The following ROBO2 variants were observed in gnomAD, a reference collection of about 807,000 sequenced individuals.
ROBO2 encodes roundabout guidance receptor 2.
Under a neutral mutation model 160.8 loss-of-function variants are expected in ROBO2, and 53 were observed. The observed-to-expected ratio is 0.33, with a 90% CI of 0.26 to 0.41. The LOEUF (loss-of-function observed/expected upper bound fraction) is 0.41. Ranked by LOEUF, ROBO2 falls within the 10% of genes least tolerant of loss-of-function variation. The pLI is 1.00. For synonymous variants in ROBO2, 664 were observed against 611.7 expected (o/e 1.09, Z -1.26); for missense variants, 1,577 against 1,722.4 (o/e 0.92, Z 1.49).
rs553679977 is a variant in ROBO2, at chr3:76,442,682, A to T, written c.109+505080A>T. ...ATGCTCTTCTGAGTAGCATGATGAG[A>T]TCTCTCATCTTCCCACTCCATTCTG... On this transcript the variant is annotated intron_variant, in intron 2 of 26. Transcript: ENST00000487694. 2.0e-5 allele frequency among the ~76,000 whole-genome samples: 3 copies of T among 152,212 alleles called. No individual in the cohort carries two copies. The South Asian group carries it at 6.2e-4, about 32-fold the overall frequency.
chr3:76,027,914 A>G (rs1265829823), intron 2 of ROBO2, among the ~76,000 whole-genome samples: 2 of 151,982 alleles, frequency 1.3e-5, no homozygotes, highest in Non-Finnish European at 2.9e-5. Context: ...TGAGGGTAGG[A>G]TACTTTTTCT....
intron 2 of ROBO2, among the ~76,000 whole-genome samples, chr3:76,571,389 C>A (rs1452451451): frequency 6.6e-6 from 1 of 151,816 alleles, no homozygotes; most frequent in Non-Finnish European, 1.5e-5. Context: ...AAATCACAAA[C>A]AATAAAATAT....
chr3:76,394,456 C>G (rs973784926), intron 2 of ROBO2, among the ~76,000 whole-genome samples: 1 of 152,156 alleles, frequency 6.6e-6, no homozygotes, highest in Non-Finnish European at 1.5e-5. Context: ...GGCCCCCACT[C>G]TCTTCTGGCT....
chr3:77,388,808 TA>T (rs1422203529), intron 2 of ROBO2, among the ~76,000 whole-genome samples: 1 of 152,210 alleles, frequency 6.6e-6, no homozygotes, highest in Non-Finnish European at 1.5e-5. Context: ...ATAAAATCTA[TA>T]AAAAATTTGT....
intron 2 of ROBO2, among the ~76,000 whole-genome samples, chr3:76,903,946 A>G (rs2075413014): frequency 6.6e-6 from 1 of 152,078 alleles, no homozygotes; most frequent in South Asian, 2.1e-4. Flanking sequence ...AAGAAAAAGA[A>G]AAAGAAAAAG....
Position 76,149,674 on chromosome 3 carries a change from ACAT to A in ROBO2, c.109+212077_109+212079del, listed in dbSNP as rs533053448. Among the ~76,000 whole-genome samples, 168 of 126,972 alleles carry A rather than the reference ACAT, an allele frequency of 1.3e-3. 30 individuals are homozygous for A. The highest frequency in any genetic ancestry group is 8.7e-3 in the Middle Eastern group (2 of 230). The allele number at this position is 126,972 out of a possible 152,430, so 83.3% of individuals were successfully genotyped here. A position where few individuals can be genotyped will look rare whatever the true frequency, so the allele number is the denominator to read the frequency against. On this transcript the variant is annotated intron_variant, in intron 2 of 26. Coordinates refer to the ROBO2 transcript ENST00000487694. The stretch of plus-strand genomic sequence containing the variant: ...AGCACACATCATCTGTCTAAAACAC[ACAT>A]CATCTGTCTAAAACACACATCTGTT...
intron 2 of ROBO2, among the ~76,000 whole-genome samples, chr3:76,718,979 T>C (rs968325034): frequency 6.6e-6 from 1 of 152,204 alleles, no homozygotes; most frequent in African/African-American, 2.4e-5. Context: ...TTTTTCAAGC[T>C]TTGGTTCTTT....
chr3:77,466,919 C>T (rs2082823145), intron 2 of ROBO2, among the ~76,000 whole-genome samples: 2 of 152,154 alleles, frequency 1.3e-5, no homozygotes, highest in Admixed American at 1.3e-4. Flanking sequence ...CATCAGAATA[C>T]ACAACAGTAG....
At chr3:77,538,987 G>A (rs183688839) in intron 6 of ROBO2, 218 of 408,616 alleles carry the variant, frequency 5.3e-4, no homozygotes, top group Middle Eastern at 2.5e-3. Context: ...CAACAATCTC[G>A]GCTCACTGCA....
At position 77,491,074 on chromosome 3, in the gene ROBO2, G is replaced by A. The variant is rs115802663; in HGVS notation, c.668-2170G>A. The stretch of plus-strand genomic sequence containing the variant: ...TCACAGTCCTTGAGTGGTGAACAGG[G>A]CCTTCATGGTCTTATCACTCACTCT... On this transcript the variant is annotated intron_variant, in intron 4 of 25. Transcript: ENST00000461745. Among the ~76,000 whole-genome samples, 606 of 152,278 alleles carry A rather than the reference G, an allele frequency of 4.0e-3. 7 individuals carry two copies. The highest frequency in any genetic ancestry group is 0.014 in the African/African-American group (563 of 41,550).
intron 2 of ROBO2, among the ~76,000 whole-genome samples, chr3:76,968,746 A>G (rs754129442): frequency 6.6e-6 from 1 of 152,210 alleles, no homozygotes; most frequent in Non-Finnish European, 1.5e-5. Context: ...GAAAACCATC[A>G]TAAATATTAT....
At chr3:77,202,134 G>C (rs529708096) in intron 2 of ROBO2, among the ~76,000 whole-genome samples, 13 of 152,214 alleles carry the variant, frequency 8.5e-5, no homozygotes, top group African/African-American at 3.1e-4. Context: ...CAAAGAAAGA[G>C]TCAAGAATAG....
chr3:76,998,753 G>A (rs2061171708), intron 2 of ROBO2, among the ~76,000 whole-genome samples: 1 of 152,122 alleles, frequency 6.6e-6, no homozygotes, highest in African/African-American at 2.4e-5. Flanking sequence ...TTTGGTGATT[G>A]ATGAAGCCTA....
chr3:75,996,522 G>C (rs2065729996), intron 2 of ROBO2, among the ~76,000 whole-genome samples: 2 of 152,136 alleles, frequency 1.3e-5, no homozygotes, highest in African/African-American at 4.8e-5. Context: ...AGCAATGTGA[G>C]AATTAACTAA....
intron 2 of ROBO2, among the ~76,000 whole-genome samples, chr3:76,340,187 G>A (rs1050684759): frequency 6.6e-6 from 1 of 151,972 alleles, no homozygotes; most frequent in African/African-American, 2.4e-5. Flanking sequence ...TACTAGTAGA[G>A]CAGGAACACT....
chr3:76,405,567 T>A (rs2078080188), intron 2 of ROBO2, among the ~76,000 whole-genome samples: 1 of 151,754 alleles, frequency 6.6e-6, no homozygotes, highest in East Asian at 1.9e-4. Flanking sequence ...TCCTTCAACA[T>A]GTTTTACTTC....
At position 77,112,537 on chromosome 3, in the gene ROBO2, C is replaced by G. The variant is rs1338720561; in HGVS notation, c.388+14197C>G. On this transcript the variant is annotated intron_variant, in intron 2 of 25. Coordinates refer to ENST00000461745, the Ensembl canonical transcript of ROBO2. ...GGGATTACAGGCGTGAGCCACCGCGCCCTGCCGAGAAAGATCAAGGATTTA... is the reference window on the plus strand; with the variant it reads ...GGGATTACAGGCGTGAGCCACCGCGGCCTGCCGAGAAAGATCAAGGATTTA... 4.6e-5 allele frequency among the ~76,000 whole-genome samples: 7 copies of G among 151,906 alleles called. No homozygotes were observed. The East Asian group carries it at 1.4e-3, about 30-fold the overall frequency.
intron 2 of ROBO2, among the ~76,000 whole-genome samples, chr3:76,983,899 A>G (rs60444965): frequency 5.9e-4 from 90 of 152,328 alleles, no homozygotes; most frequent in African/African-American, 2.0e-3. Flanking sequence ...TAATTTATAA[A>G]GGAAGAAGTT....
chr3:76,673,850 T>C (rs943884448), intron 2 of ROBO2, among the ~76,000 whole-genome samples: 1 of 152,178 alleles, frequency 6.6e-6, no homozygotes, highest in African/African-American at 2.4e-5. Flanking sequence ...AATTTTTTCA[T>C]TGATAATGCA....
Sources: allele counts gnomAD v4.1 joint callset (sites outside exome capture counted in the v4.1 genomes callset), GRCh38; gene constraint gnomAD v4.1.1; transcripts MANE v1.5; gene names NCBI Gene and HGNC (gene_info 2026-07-23, HGNC 2026-07-21).